Variants in MIPOL1 observed in about 807,000 individuals in gnomAD.
The protein encoded by MIPOL1 is mirror-image polydactyly gene 1 protein.
MIPOL1 carries 57 observed loss-of-function variants against 60.9 expected under a neutral mutation model. The ratio of observed to expected loss-of-function variants is 0.94; its 90% CI spans 0.76 to 1.17. MIPOL1 has a LOEUF of 1.17. Ranked by LOEUF, MIPOL1 falls within the 50% of genes most tolerant of loss-of-function variation. The pLI, the probability that MIPOL1 is intolerant of heterozygous loss-of-function variation, is 0.00. For missense variants in MIPOL1, 551 were observed against 511.6 expected, an observed-to-expected ratio of 1.08 and a Z score of -0.74; for synonymous variants, 179 against 168.8, an observed-to-expected ratio of 1.06 and a Z score of -0.47.
intron 11 of MIPOL1, among the ~76,000 whole-genome samples, chr14:37,451,808 CTTTTTTTTTTTTTTT>C (rs535978128): frequency 1.2e-5 from 1 of 84,598 alleles, no homozygotes; most frequent in Admixed American, 1.3e-4. Context: ...TTTATTCTCT[CTTTTTTTTTTTTTTT>C]TTTTTTTTTG....
rs147682453 is a variant in MIPOL1 at position 37,371,756 on chromosome 14, T to G, written c.936+2132T>G. 5.1e-3 allele frequency among the ~76,000 whole-genome samples: 782 copies of G among 152,258 alleles called. 7 individuals carry two copies. Among genetic ancestry groups the G allele is most frequent in the African/African-American group, 0.017 (719 of 41,572 alleles). On this transcript the variant is annotated intron_variant, in intron 10 of 12. Transcript: ENST00000684589. ...TGAAAATTAGGTCAATTATAAAACA[T>G]TTGCTTTATTCTGAATCATTTTTTA... is the stretch of plus-strand genomic sequence containing the variant.
chr14:37,295,775 C>G lies in MIPOL1; in HGVS notation c.623+10328C>G, dbSNP rs140818452. 3.0e-3 allele frequency among the ~76,000 whole-genome samples: 460 copies of G among 152,194 alleles called. 2 individuals carry two copies. The highest frequency in any genetic ancestry group is 0.011 in the African/African-American group (438 of 41,502). On this transcript the variant is annotated intron_variant, in intron 7 of 12. Transcript: ENST00000684589. ...CTAACTATCCTAAATATATATGTAC[C>G]CAATACAGGAGCACCCAGATTCATA...
At chr14:37,360,647 T>C (rs1401913800) in intron 9 of MIPOL1, among the ~76,000 whole-genome samples, 2 of 152,130 alleles carry the variant, frequency 1.3e-5, no homozygotes, top group Non-Finnish European at 2.9e-5. Flanking sequence ...TGTATTTGTG[T>C]GGGATCGGTG....
chr14:37,328,104 C>A (rs923700252), intron 9 of MIPOL1, among the ~76,000 whole-genome samples: 1 of 152,070 alleles, frequency 6.6e-6, no homozygotes, highest in East Asian at 1.9e-4. Flanking sequence ...CCTCCACCCC[C>A]CAAGTTCAAT....
rs887184685 is a variant in MIPOL1, at chr14:37,548,106, G to T, written c.*1135G>T. 2.6e-5 allele frequency: 4 copies of T among 152,026 alleles called. No individual in the cohort carries two copies. Among genetic ancestry groups the T allele is most frequent in the South Asian group, 2.1e-4 (1 of 4,828 alleles). The allele number at this position is 152,026 out of a possible 1,614,324, so 9.4% of individuals were successfully genotyped here. A position where few individuals can be genotyped will look rare whatever the true frequency, so the allele number is the denominator to read the frequency against. On this transcript the variant is annotated 3_prime_UTR_variant, in exon 13 of 13. Transcript: ENST00000684589. Reference sequence around the variant, plus strand: ...GAAATGACTGTGCCTGGAACAGGATGAAATAGACAAGTAGAGATTTAATTA... The same window carrying T: ...GAAATGACTGTGCCTGGAACAGGATTAAATAGACAAGTAGAGATTTAATTA...
At chr14:37,422,986 G>A (rs1314728921) in intron 11 of MIPOL1, 37 bp downstream of exon 11, 2 of 1,294,716 alleles carry the variant, frequency 1.5e-6, no homozygotes, top group African/African-American at 1.5e-5. Context: ...AGTAAATATT[G>A]TTAGTTTGGG....
chr14:37,235,282 G>C (rs1335557810), intron 1 of MIPOL1, among the ~76,000 whole-genome samples: 1 of 152,160 alleles, frequency 6.6e-6, no homozygotes, highest in Non-Finnish European at 1.5e-5. Flanking sequence ...ATACAATGTA[G>C]TGAGATCTAA....
At chr14:37,432,706 A>G (rs954846442) in intron 11 of MIPOL1, among the ~76,000 whole-genome samples, 4 of 152,120 alleles carry the variant, frequency 2.6e-5, no homozygotes, top group African/African-American at 9.7e-5. Context: ...TAAAAAAAAA[A>G]CTTAGGAAAT....
At chr14:37,475,776 T>G (rs1056626272) in intron 11 of MIPOL1, among the ~76,000 whole-genome samples, 3 of 152,188 alleles carry the variant, frequency 2.0e-5, no homozygotes, top group Non-Finnish European at 4.4e-5. Context: ...TCTCTTCCAT[T>G]GATCGATTTT....
At chr14:37,436,409 C>G (rs11156953) in intron 11 of MIPOL1, among the ~76,000 whole-genome samples, 13,216 of 152,058 alleles carry the variant, frequency 0.087, 859 homozygotes, top group East Asian at 0.31. Context: ...CTTTTTCTTT[C>G]CATGACACAT....
chr14:37,422,620 AAG>A (rs2093893364), intron 10 of MIPOL1, among the ~76,000 whole-genome samples: 1 of 151,992 alleles, frequency 6.6e-6, no homozygotes, highest in African/African-American at 2.4e-5. Flanking sequence ...ACAGATAAAT[AAG>A]GTTGAAGTTT....
At chr14:37,244,213 G>C (rs143351012) in intron 1 of MIPOL1, among the ~76,000 whole-genome samples, 1 of 140,244 alleles carries the variant, frequency 7.1e-6, no homozygotes, top group Non-Finnish European at 1.5e-5. Context: ...TCCGCCTCTC[G>C]GGTTCAAGCA....
chr14:37,390,500 A>G (rs1362910660), intron 10 of MIPOL1, among the ~76,000 whole-genome samples: 1 of 152,148 alleles, frequency 6.6e-6, no homozygotes, highest in African/African-American at 2.4e-5. Context: ...TTGGCATTAG[A>G]TGACAGGGAC....
chr14:37,531,741 C>T (rs931067329), intron 12 of MIPOL1, among the ~76,000 whole-genome samples: 4 of 152,196 alleles, frequency 2.6e-5, no homozygotes, highest in African/African-American at 7.2e-5. Flanking sequence ...AGGTTTGTGG[C>T]TATTCTCTTA....
Position 37,422,939 on chromosome 14 carries a change from G to A in MIPOL1, c.1021G>A (p.Val341Ile). Residue 341 changes from valine (V) to isoleucine (I), a missense_variant, in exon 11 of 13, where the codon GTT (valine) becomes ATT (isoleucine). Coordinates refer to ENST00000684589, the MANE Select transcript of MIPOL1 (RefSeq NM_001388067.1). ...GGAAGAGGAAATCCAGACCCTTCGA[G>A]TTTACTACAGGTAAAATTCTTTTTA... ...KLEEEIQTLR[V>I]YYSLHKSLSQ... 6.3e-7 allele frequency: 1 copy of A among 1,597,018 alleles called. No individual in the cohort carries two copies. Among genetic ancestry groups the A allele is most frequent in the South Asian group, 1.1e-5 (1 of 88,792 alleles).
intron 12 of MIPOL1, among the ~76,000 whole-genome samples, chr14:37,508,852 C>T (rs1363602773): frequency 2.0e-5 from 3 of 152,042 alleles, no homozygotes; most frequent in African/African-American, 4.8e-5. Context: ...GGTTAGCAAG[C>T]ATCCAATCAC....
chr14:37,506,847 A>G (rs922181677), intron 12 of MIPOL1: 2 of 152,216 alleles, frequency 1.3e-5, no homozygotes, highest in Non-Finnish European at 2.9e-5. Context: ...CAATCTACCC[A>G]TCTGACAATG....
At chr14:37,213,038 G>T (rs1966961337) in intron 1 of MIPOL1, among the ~76,000 whole-genome samples, 2 of 152,156 alleles carry the variant, frequency 1.3e-5, no homozygotes, top group South Asian at 4.1e-4. Flanking sequence ...CTCTAAAGCA[G>T]ATATAGCTTA....
intron 12 of MIPOL1, among the ~76,000 whole-genome samples, chr14:37,545,053 A>T (rs967977810): frequency 6.6e-6 from 1 of 152,216 alleles, no homozygotes; most frequent in African/African-American, 2.4e-5. Context: ...GCTGACTTTT[A>T]TATTGTGAAA....
Sources: gnomAD v4.1 joint callset for allele counts (sites outside exome capture counted in the v4.1 genomes callset) on GRCh38, gnomAD v4.1.1 for gene constraint, MANE v1.5 for transcripts, NCBI Gene and HGNC (gene_info 2026-07-23, HGNC 2026-07-21) for gene names.